The following SYNDIG1 variants were observed in gnomAD, a reference collection of about 807,000 sequenced individuals.
SYNDIG1 encodes synapse differentiation inducing 1, also known as synapse differentiation-inducing gene protein 1.
SYNDIG1 carries 9 observed loss-of-function variants against 19.4 expected under a neutral mutation model. That is an observed-to-expected ratio of 0.46 (90% CI 0.28 to 0.81). SYNDIG1 has a LOEUF of 0.81. SYNDIG1 is among the 30% of genes least tolerant of loss of function. The probability of loss-of-function intolerance (pLI) is 0.12; values close to 1 mark genes in which losing one functional copy is unlikely to be tolerated. For missense variants in SYNDIG1, 311 were observed against 343.3 expected, an observed-to-expected ratio of 0.91 and a Z score of 0.74; for synonymous variants, 141 against 145.9, an observed-to-expected ratio of 0.97 and a Z score of 0.24.
At chr20:24,534,928 G>A (rs893643836) in intron 1 of SYNDIG1, among the ~76,000 whole-genome samples, 1 of 152,176 alleles carries the variant, frequency 6.6e-6, no homozygotes, top group Admixed American at 6.5e-5. Context: ...TAGGACTTGC[G>A]GCCACCTCTG....
intron 1 of SYNDIG1, among the ~76,000 whole-genome samples, chr20:24,511,367 C>T (rs553553231): frequency 3.9e-5 from 6 of 152,242 alleles, no homozygotes; most frequent in East Asian, 1.9e-4. Context: ...TCCCAAACCC[C>T]GGCTCCACAT....
intron 2 of SYNDIG1, among the ~76,000 whole-genome samples, chr20:24,561,037 T>A (rs1322704527): frequency 6.6e-6 from 1 of 151,842 alleles, no homozygotes; most frequent in Non-Finnish European, 1.5e-5. Flanking sequence ...AAGCCTGACC[T>A]CCTGGGATTC....
intron 1 of SYNDIG1, among the ~76,000 whole-genome samples, chr20:24,532,857 A>G (rs146933281): frequency 2.2e-3 from 328 of 152,234 alleles, no homozygotes; most frequent in Middle Eastern, 6.8e-3. Flanking sequence ...TATCTTTTCT[A>G]TCTGCATTTA....
At chr20:24,585,048 TGGGGGC>T in intron 3 of SYNDIG1, 55 bp downstream of exon 3, 3 of 395,168 alleles carry the variant, frequency 7.6e-6, no homozygotes, top group Non-Finnish European at 1.3e-5. Context: ...AGGGTGGGGG[TGGGGGC>T]GGCAATCCCA....
At chr20:24,589,323 T>C (rs1048557185) in intron 3 of SYNDIG1, among the ~76,000 whole-genome samples, 1 of 152,172 alleles carries the variant, frequency 6.6e-6, no homozygotes, top group African/African-American at 2.4e-5. Flanking sequence ...ATCACAGAGG[T>C]AGCAAGTATG....
chr20:24,522,705 G>T lies in SYNDIG1; in HGVS notation c.-78-20315G>T, dbSNP rs566486367. 1.5e-4 allele frequency among the ~76,000 whole-genome samples: 23 copies of T among 152,284 alleles called. No homozygotes were observed. In the South Asian group the frequency reaches 3.5e-3, roughly 23 times the overall value. ...GGGAATACCAGAGACTGGGGCATTT[G>T]TAAAGAAAAGAGGCTTATTTGGCTC... On this transcript the variant is annotated intron_variant, in intron 1 of 3. Coordinates refer to ENST00000376862, the MANE Select transcript of SYNDIG1 (RefSeq NM_024893.3).
chr20:24,626,374 G>A (rs2059135152), intron 3 of SYNDIG1, among the ~76,000 whole-genome samples: 1 of 151,900 alleles, frequency 6.6e-6, no homozygotes, highest in African/African-American at 2.4e-5. Flanking sequence ...CGGCCGGGCA[G>A]AGACGCTCCT....
intron 3 of SYNDIG1, among the ~76,000 whole-genome samples, chr20:24,605,004 A>T (rs1600726427): frequency 6.6e-6 from 1 of 152,134 alleles, no homozygotes; most frequent in Non-Finnish European, 1.5e-5. Flanking sequence ...ATCAGCCCAA[A>T]ACCCAAGTTT....
At chr20:24,489,786 G>A (rs182625993) in intron 1 of SYNDIG1, among the ~76,000 whole-genome samples, 34 of 152,380 alleles carry the variant, frequency 2.2e-4, no homozygotes, top group African/African-American at 8.2e-4. Flanking sequence ...GGGGCCTCCA[G>A]CCAAAGGACA....
chr20:24,608,660 TA>T (rs2058799931), intron 3 of SYNDIG1, among the ~76,000 whole-genome samples: 1 of 152,104 alleles, frequency 6.6e-6, no homozygotes, highest in East Asian at 1.9e-4. Context: ...AGACAATAAT[TA>T]AAAGGTGACT....
At chr20:24,494,165 G>A (rs1033038861) in intron 1 of SYNDIG1, among the ~76,000 whole-genome samples, 5 of 152,298 alleles carry the variant, frequency 3.3e-5, no homozygotes, top group South Asian at 2.1e-4. Context: ...GGGGCGGCGC[G>A]CATGGCCGAG....
intron 3 of SYNDIG1, among the ~76,000 whole-genome samples, chr20:24,623,888 G>A (rs2059077669): frequency 6.6e-6 from 1 of 152,146 alleles, no homozygotes; most frequent in Admixed American, 6.5e-5. Flanking sequence ...TTACAAAGAT[G>A]GCAACCATTA....
intron 2 of SYNDIG1, among the ~76,000 whole-genome samples, chr20:24,557,678 A>G (rs991628655): frequency 6.6e-6 from 1 of 152,102 alleles, no homozygotes; most frequent in Non-Finnish European, 1.5e-5. Flanking sequence ...TTTGTCTCAG[A>G]GGAGTACCCG....
intron 1 of SYNDIG1, among the ~76,000 whole-genome samples, chr20:24,506,652 C>T (rs1483204826): frequency 6.6e-6 from 1 of 152,196 alleles, no homozygotes; most frequent in Non-Finnish European, 1.5e-5. Flanking sequence ...TGGGCCTAAT[C>T]TGGGATGGGC....
chr20:24,521,064 A>G (rs1032041474), intron 1 of SYNDIG1, among the ~76,000 whole-genome samples: 1 of 152,210 alleles, frequency 6.6e-6, no homozygotes, highest in Non-Finnish European at 1.5e-5. Flanking sequence ...GGAATCATAC[A>G]GTATTTGACC....
intron 1 of SYNDIG1, among the ~76,000 whole-genome samples, chr20:24,503,332 G>A (rs2146396836): frequency 6.6e-6 from 1 of 152,300 alleles, no homozygotes; most frequent in Non-Finnish European, 1.5e-5. Context: ...CTAACAAGGT[G>A]GAGGAAAAAG....
At chr20:24,616,056 T>C (rs1224045160) in intron 3 of SYNDIG1, among the ~76,000 whole-genome samples, 1 of 152,228 alleles carries the variant, frequency 6.6e-6, no homozygotes. Context: ...ACATAACAGC[T>C]GTTGATGGTA....
chr20:24,488,941 C>A (rs2056052312), intron 1 of SYNDIG1, among the ~76,000 whole-genome samples: 1 of 152,174 alleles, frequency 6.6e-6, no homozygotes, highest in African/African-American at 2.4e-5. Context: ...GGATTTTCCT[C>A]CTGTTCTATG....
intron 1 of SYNDIG1, among the ~76,000 whole-genome samples, chr20:24,528,172 G>A (rs1313474619): frequency 6.6e-6 from 1 of 152,158 alleles, no homozygotes; most frequent in East Asian, 1.9e-4. Flanking sequence ...CAATTCTAAT[G>A]CTAGAAATAA....
Sources: allele counts gnomAD v4.1 joint callset (sites outside exome capture counted in the v4.1 genomes callset), GRCh38; gene constraint gnomAD v4.1.1; transcripts MANE v1.5; gene names NCBI Gene and HGNC (gene_info 2026-07-23, HGNC 2026-07-21).